Variants in KIAA0319L observed in about 807,000 individuals in gnomAD.
KIAA0319L encodes KIAA0319 like.
KIAA0319L carries 55 observed loss-of-function variants against 120.1 expected under a neutral mutation model. The observed-to-expected ratio is 0.46, with a 90% CI of 0.37 to 0.57. The LOEUF is 0.57. KIAA0319L is among the 20% of genes least tolerant of loss of function. The pLI is 0.00. For synonymous variants in KIAA0319L, 398 were observed against 471.9 expected (o/e 0.84, Z 2.03); for missense variants, 1,049 against 1,255.3 (o/e 0.84, Z 2.48).
Position 35,453,316 on chromosome 1 carries a change from C to T in KIAA0319L, c.1913+241G>A, listed in dbSNP as rs1642194792. Among the ~76,000 whole-genome samples, 2 of 152,220 alleles carry T rather than the reference C, an allele frequency of 1.3e-5. No individual in the cohort carries two copies. Among genetic ancestry groups the T allele is most frequent in the Non-Finnish European group, 2.9e-5 (2 of 68,048 alleles). On this transcript the variant is annotated intron_variant, in intron 12 of 20. Coordinates refer to ENST00000325722, the MANE Select transcript of KIAA0319L (RefSeq NM_024874.5). This position sits in a 1 kb window ranked among gnomAD's most constrained non-coding sequence, Gnocchi z 4.1. ...AGCAGATGGATTGTACCTGAAAAAGCACCAGGATCACACAGTACTACCTGG... is the reference window on the plus strand; with the variant it reads ...AGCAGATGGATTGTACCTGAAAAAGTACCAGGATCACACAGTACTACCTGG...
intron 2 of KIAA0319L, among the ~76,000 whole-genome samples, chr1:35,543,348 T>G (rs1005768150): frequency 6.6e-6 from 1 of 152,228 alleles, no homozygotes; most frequent in Non-Finnish European, 1.5e-5. Context: ...ATTACCTTCC[T>G]GTACTGCAAT....
At chr1:35,461,564 C>CTA (rs1171037668) in intron 8 of KIAA0319L, among the ~76,000 whole-genome samples, 1 of 152,056 alleles carries the variant, frequency 6.6e-6, no homozygotes, top group South Asian at 2.1e-4. Flanking sequence ...GACAGAAGGA[C>CTA]TATATATATA....
At chr1:35,523,038 ATCTT>A (rs1353866411) in intron 2 of KIAA0319L, among the ~76,000 whole-genome samples, 1 of 150,072 alleles carries the variant, frequency 6.7e-6, no homozygotes, top group Non-Finnish European at 1.5e-5. Context: ...AAAAAAAAAA[ATCTT>A]GTATGGTTTG....
chr1:35,551,229 T>G (rs1383197563), intron 2 of KIAA0319L, among the ~76,000 whole-genome samples: 10 of 152,252 alleles, frequency 6.6e-5, no homozygotes, highest in Admixed American at 6.5e-4. Context: ...CATTTTAATC[T>G]GTCGTTTTGA....
intron 2 of KIAA0319L, among the ~76,000 whole-genome samples, chr1:35,543,047 G>A (rs1002719223): frequency 1.3e-5 from 2 of 152,212 alleles, no homozygotes; most frequent in African/African-American, 4.8e-5. Flanking sequence ...GGTTTTCCAA[G>A]ATAGTAGGAT....
chr1:35,543,481 G>C (rs1455216493), intron 2 of KIAA0319L, among the ~76,000 whole-genome samples: 2 of 152,164 alleles, frequency 1.3e-5, no homozygotes, highest in East Asian at 3.8e-4. Flanking sequence ...GAAGAGCAGA[G>C]ATATAATGCC....
chr1:35,454,682 A>C, intron 10 of KIAA0319L, 197 bp from the exon 11 acceptor site: 1 of 1,339,854 alleles, frequency 7.5e-7, no homozygotes, highest in Non-Finnish European at 9.7e-7. Flanking sequence ...TCCCCCTTCA[A>C]GGAAACAACC....
intron 2 of KIAA0319L, among the ~76,000 whole-genome samples, chr1:35,538,714 C>T (rs1333590238): frequency 6.6e-6 from 1 of 151,902 alleles, no homozygotes; most frequent in Non-Finnish European, 1.5e-5. Context: ...TAAGTCAACA[C>T]CATAATGTGG....
chr1:35,466,488 G>C (rs1643272275), intron 7 of KIAA0319L, 120 bp downstream of exon 7: 1 of 659,076 alleles, frequency 1.5e-6, no homozygotes, highest in Non-Finnish European at 2.6e-6. Context: ...ATTGAACTAG[G>C]AATTGCTGAA....
chr1:35,500,733 T>C (rs1644975070), intron 3 of KIAA0319L, among the ~76,000 whole-genome samples: 1 of 152,192 alleles, frequency 6.6e-6, no homozygotes, highest in East Asian at 1.9e-4. Flanking sequence ...GTGCATACTT[T>C]TCTCTTCCCT....
intron 15 of KIAA0319L, among the ~76,000 whole-genome samples, chr1:35,448,925 G>A (rs1305664308): frequency 6.6e-6 from 1 of 152,214 alleles, no homozygotes; most frequent in Non-Finnish European, 1.5e-5. Context: ...CTCTAAAACG[G>A]TGAGGCTATC....
intron 6 of KIAA0319L, among the ~76,000 whole-genome samples, chr1:35,469,962 G>C (rs1643510649): frequency 6.6e-6 from 1 of 151,902 alleles, no homozygotes; most frequent in South Asian, 2.1e-4. Context: ...TTAAACTCCT[G>C]GGTTTAAGTG....
intron 1 of KIAA0319L, chr1:35,554,757 CT>C (rs374790287): frequency 0.11 from 24,312 of 220,640 alleles, 147 homozygotes; most frequent in Middle Eastern, 0.15. Flanking sequence ...CTTTATATTC[CT>C]TTTTTTTTTT....
At chr1:35,451,587 A>G (rs746028444) in intron 13 of KIAA0319L, 41 bp downstream of exon 13, 2 of 1,589,232 alleles carry the variant, frequency 1.3e-6, no homozygotes. Flanking sequence ...CAGCTATCTG[A>G]CCCTAAGAGG....
At chr1:35,480,306 A>T (rs1479432219) in intron 3 of KIAA0319L, among the ~76,000 whole-genome samples, 2 of 152,214 alleles carry the variant, frequency 1.3e-5, no homozygotes, top group Non-Finnish European at 2.9e-5. Context: ...AAGTAATGGT[A>T]AGCAATTTAA....
At chr1:35,489,282 T>C (rs1450643487) in intron 3 of KIAA0319L, among the ~76,000 whole-genome samples, 4 of 152,118 alleles carry the variant, frequency 2.6e-5, no homozygotes, top group African/African-American at 9.7e-5. Flanking sequence ...CAAGAAGATT[T>C]ATCCTTCTGA....
intron 2 of KIAA0319L, among the ~76,000 whole-genome samples, chr1:35,513,265 AAC>A (rs1238742709): frequency 7.9e-6 from 1 of 125,816 alleles, no homozygotes; most frequent in Non-Finnish European, 1.6e-5. Flanking sequence ...ATATCTATAT[AAC>A]ATATATATAT....
chr1:35,528,743 A>AC (rs1249536480), intron 2 of KIAA0319L, among the ~76,000 whole-genome samples: 1 of 151,920 alleles, frequency 6.6e-6, no homozygotes, highest in Non-Finnish European at 1.5e-5. Flanking sequence ...ATTAGAGTCT[A>AC]CCTCTCTCTT....
intron 2 of KIAA0319L, among the ~76,000 whole-genome samples, chr1:35,550,498 A>G (rs911447780): frequency 2.0e-5 from 3 of 152,240 alleles, no homozygotes; most frequent in Non-Finnish European, 4.4e-5. Flanking sequence ...AAAAAGGAAT[A>G]CAAGTATACC....
Sources: allele counts gnomAD v4.1 joint callset (sites outside exome capture counted in the v4.1 genomes callset), GRCh38; gene constraint gnomAD v4.1.1; non-coding constraint Gnocchi (gnomAD v3.1); transcripts MANE v1.5; gene names NCBI Gene and HGNC (gene_info 2026-07-23, HGNC 2026-07-21).